FBXL4: variants seen among roughly 807,000 people sequenced by gnomAD.
The protein encoded by FBXL4 is F-box/LRR-repeat protein 4.
FBXL4 carries 40 observed loss-of-function variants against 58.9 expected under a neutral mutation model. That is an observed-to-expected ratio of 0.68 (90% CI 0.53 to 0.88). FBXL4 has a LOEUF of 0.88. Among genes scored for constraint, FBXL4 ranks in the 40% least tolerant of loss-of-function variants. The probability of loss-of-function intolerance (pLI) is 0.00; values close to 1 mark genes in which losing one functional copy is unlikely to be tolerated. For missense variants in FBXL4, 676 were observed against 734.4 expected (o/e 0.92, Z 0.92); for synonymous variants, 263 against 265.5 (o/e 0.99, Z 0.09).
At chr6:98,900,855 C>T (rs1771582290) in intron 6 of FBXL4, among the ~76,000 whole-genome samples, 1 of 152,174 alleles carries the variant, frequency 6.6e-6, no homozygotes, top group East Asian at 1.9e-4. Flanking sequence ...CTGCACACTC[C>T]TTCCTTAAAA....
intron 8 of FBXL4, 152 bp from the exon 9 acceptor site, chr6:98,875,879 G>A (rs1770645356): frequency 1.5e-5 from 11 of 741,284 alleles, no homozygotes; most frequent in Admixed American, 5.7e-5. Context: ...CTGACCTCAC[G>A]GATCTGCCAC....
intron 5 of FBXL4, among the ~76,000 whole-genome samples, chr6:98,906,217 G>A (rs573703448): frequency 1.1e-4 from 17 of 151,350 alleles, no homozygotes; most frequent in African/African-American, 3.9e-4. Flanking sequence ...GGGTACATGT[G>A]CAGAACATGC....
chr6:98,902,268 C>T (rs1233106720), intron 6 of FBXL4, among the ~76,000 whole-genome samples: 2 of 151,868 alleles, frequency 1.3e-5, no homozygotes, highest in African/African-American at 4.8e-5. Context: ...ACAATATATT[C>T]AAGATAATTT....
chr6:98,911,111 C>T (rs992441389), intron 5 of FBXL4, among the ~76,000 whole-genome samples: 11 of 152,180 alleles, frequency 7.2e-5, no homozygotes, highest in Admixed American at 3.9e-4. Context: ...TGCAAGGTGG[C>T]AGCCTGGATG....
At chr6:98,928,967 T>G (rs780975859) in intron 2 of FBXL4, among the ~76,000 whole-genome samples, 1 of 152,206 alleles carries the variant, frequency 6.6e-6, no homozygotes, top group Non-Finnish European at 1.5e-5. Flanking sequence ...TTTTATGAGA[T>G]ATATACCTTA....
At chr6:98,944,813 C>T (rs539352909) in intron 1 of FBXL4, among the ~76,000 whole-genome samples, 22 of 152,312 alleles carry the variant, frequency 1.4e-4, no homozygotes, top group African/African-American at 5.3e-4. Context: ...TCTCCTGTAA[C>T]ATAACCTACT....
rs374938918 is a variant in FBXL4 at position 98,904,663 on chromosome 6, CAG to C, written c.1103+761_1103+762del. On this transcript the variant is annotated intron_variant, in intron 6 of 9. Coordinates refer to ENST00000369244, the MANE Select transcript of FBXL4 (RefSeq NM_001278716.2). ...AAGAGTATTCATTAATTAAAAATAA[CAG>C]AAAATTTCTCTAAAGTTTCTACTTC... Among the ~76,000 whole-genome samples the C allele has an allele frequency of 1.6e-3, 251 of 152,150 alleles. 2 individuals are homozygous for C. Among genetic ancestry groups the C allele is most frequent in the African/African-American group, 5.5e-3 (230 of 41,528 alleles).
At chr6:98,888,141 C>A (rs1771101615) in intron 7 of FBXL4, among the ~76,000 whole-genome samples, 1 of 152,168 alleles carries the variant, frequency 6.6e-6, no homozygotes, top group Non-Finnish European at 1.5e-5. Flanking sequence ...TTTGTAGAGA[C>A]CACCAACTCA....
Position 98,875,707 on chromosome 6 carries a change from T to TATCAC in FBXL4, c.1405_1409dup (p.Ile470MetfsTer2), listed in dbSNP as rs1770638463. ...TACACTTGGCTCCTATCATGCTAGC[T>TATCAC]ATCACATCATAGTCTTCAATCTGGA... On this transcript the variant is annotated stop_gained and frameshift_variant, in exon 9 of 10. Transcript: ENST00000369244. LOFTEE classifies it high-confidence loss of function. 6.2e-7 allele frequency: 1 copy of TATCAC among 1,613,388 alleles called. No homozygotes were observed. Among genetic ancestry groups the TATCAC allele is most frequent in the South Asian group, 1.1e-5 (1 of 91,088 alleles).
At chr6:98,910,482 T>C (rs990986581) in intron 5 of FBXL4, among the ~76,000 whole-genome samples, 1 of 151,680 alleles carries the variant, frequency 6.6e-6, no homozygotes, top group Non-Finnish European at 1.5e-5. Flanking sequence ...TGAAACCCTG[T>C]CTCTACTAAA....
chr6:98,899,228 T>TA, intron 7 of FBXL4, 40 bp downstream of exon 7: 1 of 1,597,726 alleles, frequency 6.3e-7, no homozygotes, highest in South Asian at 1.1e-5. Context: ...TTCAGTTGGC[T>TA]ACCATAATAG....
At chr6:98,880,337 C>T (rs1343014181) in intron 8 of FBXL4, among the ~76,000 whole-genome samples, 2 of 152,194 alleles carry the variant, frequency 1.3e-5, no homozygotes, top group Non-Finnish European at 2.9e-5. Context: ...CCACACTATA[C>T]TTCTTTCCTT....
At chr6:98,888,572 G>A (rs1371733729) in intron 7 of FBXL4, among the ~76,000 whole-genome samples, 2 of 151,838 alleles carry the variant, frequency 1.3e-5, no homozygotes, top group African/African-American at 4.8e-5. Context: ...TATCTTTCAG[G>A]TCCCCAAGTC....
At chr6:98,936,711 A>G (rs1431138246) in intron 1 of FBXL4, among the ~76,000 whole-genome samples, 1 of 152,214 alleles carries the variant, frequency 6.6e-6, no homozygotes, top group Non-Finnish European at 1.5e-5. Flanking sequence ...AACCAACTGT[A>G]TATGTTATCA....
chr6:98,895,590 G>T, intron 7 of FBXL4, among the ~76,000 whole-genome samples: 1 of 152,172 alleles, frequency 6.6e-6, no homozygotes, highest in East Asian at 1.9e-4. Flanking sequence ...TCTATTGCTT[G>T]TGCCAGCAGG....
intron 7 of FBXL4, among the ~76,000 whole-genome samples, chr6:98,889,865 T>C (rs757281688): frequency 2.6e-5 from 4 of 152,146 alleles, no homozygotes; most frequent in East Asian, 1.9e-4. Context: ...TTAATTCAAA[T>C]TTTCATTGAC....
rs1208297774 is a variant in FBXL4, at chr6:98,885,230, A to C, written c.1318-4606T>G. Among the ~76,000 whole-genome samples the C allele has an allele frequency of 2.0e-5, 3 of 152,020 alleles. No individual in the cohort carries two copies. In the East Asian group the frequency reaches 5.8e-4, roughly 29 times the overall value. Reference sequence around the variant, plus strand: ...GCGATTCTCCTGCCTCAGCCTCCCAAGTGGCTGGGATTACAGGCATGTGCC... The same window carrying C: ...GCGATTCTCCTGCCTCAGCCTCCCACGTGGCTGGGATTACAGGCATGTGCC... On this transcript the variant is annotated intron_variant, in intron 7 of 9. Transcript: ENST00000369244.
rs749762301 is a variant in FBXL4, at chr6:98,874,462, A to G, written c.1703-21T>C. ...TGTTCCTATTTAAGGGAAACAAAACAAAACAAAACAAAACACCTTAAGTAT... is the reference window on the plus strand; with the variant it reads ...TGTTCCTATTTAAGGGAAACAAAACGAAACAAAACAAAACACCTTAAGTAT... On this transcript the variant is annotated intron_variant, in intron 9 of 9. Transcript: ENST00000369244. 1.9e-6 allele frequency: 3 copies of G among 1,593,324 alleles called. No homozygotes were observed. The East Asian group carries it at 6.7e-5, about 36-fold the overall frequency.
chr6:98,878,163 A>T (rs1770721414), intron 8 of FBXL4, among the ~76,000 whole-genome samples: 1 of 152,234 alleles, frequency 6.6e-6, no homozygotes, highest in Non-Finnish European at 1.5e-5. Context: ...ACCATGGGAA[A>T]GTCAGCACAG....
Sources: gnomAD v4.1 joint callset for allele counts (sites outside exome capture counted in the v4.1 genomes callset) on GRCh38, gnomAD v4.1.1 for gene constraint, MANE v1.5 for transcripts, NCBI Gene and HGNC (gene_info 2026-07-23, HGNC 2026-07-21) for gene names.